Variants in CSGALNACT1 observed in about 807,000 individuals in gnomAD.
CSGALNACT1 encodes the protein beta4GalNAcT-1.
A neutral mutation model predicts 51.0 loss-of-function variants in CSGALNACT1; 52 were observed. That is an observed-to-expected ratio of 1.02 (90% CI 0.82 to 1.29). The LOEUF (loss-of-function observed/expected upper bound fraction) is 1.29, where lower values mean the gene tolerates loss of function less well. Among genes scored for constraint, CSGALNACT1 ranks in the 50% most tolerant of loss-of-function variants. The pLI is 0.00. For missense variants in CSGALNACT1, 935 were observed against 679.2 expected, an observed-to-expected ratio of 1.38 and a Z score of -4.19; for synonymous variants, 341 against 254.4, an observed-to-expected ratio of 1.34 and a Z score of -3.24.
chr8:19,724,028 G>T (rs1397905937), intron 1 of CSGALNACT1, among the ~76,000 whole-genome samples: 1 of 152,144 alleles, frequency 6.6e-6, no homozygotes, highest in Non-Finnish European at 1.5e-5. Context: ...TCTCAGATTT[G>T]TGCCTAAATC....
chr8:19,421,764 C>T (rs1253562194), intron 6 of CSGALNACT1, among the ~76,000 whole-genome samples: 4 of 152,242 alleles, frequency 2.6e-5, no homozygotes, highest in Non-Finnish European at 5.9e-5. Context: ...GCGACTCCCT[C>T]CTTGACTCAT....
intron 3 of CSGALNACT1, among the ~76,000 whole-genome samples, chr8:19,559,231 T>C (rs542886798): frequency 6.6e-6 from 1 of 152,164 alleles, no homozygotes; most frequent in African/African-American, 2.4e-5. Context: ...CATGACCAAG[T>C]TGATTATAAT....
chr8:19,543,134 GATGTAT>G (rs1344851659), intron 3 of CSGALNACT1, among the ~76,000 whole-genome samples: 3 of 152,158 alleles, frequency 2.0e-5, no homozygotes, highest in Non-Finnish European at 4.4e-5. Context: ...TTCAAAACTA[GATGTAT>G]ATTATATACA....
chr8:19,629,500 C>T (rs1467089945), intron 1 of CSGALNACT1, among the ~76,000 whole-genome samples: 1 of 152,210 alleles, frequency 6.6e-6, no homozygotes, highest in Admixed American at 6.5e-5. Context: ...TGCCTAAAGG[C>T]ACTCAGCTGC....
chr8:19,644,823 T>TAAGATCTTGTACTGCAGATACA, intron 1 of CSGALNACT1, among the ~76,000 whole-genome samples: 1 of 149,180 alleles, frequency 6.7e-6, no homozygotes, highest in East Asian at 2.0e-4. Context: ...GTACCTAACC[T>TAAGATCTTGTACTGCAGATACA]AAGATCTTGT....
At chr8:19,632,190 T>A (rs2055362731) in intron 1 of CSGALNACT1, among the ~76,000 whole-genome samples, 2 of 152,254 alleles carry the variant, frequency 1.3e-5, no homozygotes, top group African/African-American at 4.8e-5. Flanking sequence ...AAATGTGAAC[T>A]TTCCACAGTT....
intron 3 of CSGALNACT1, among the ~76,000 whole-genome samples, chr8:19,508,199 C>T (rs1208568347): frequency 1.3e-5 from 2 of 152,328 alleles, no homozygotes; most frequent in East Asian, 1.9e-4. Context: ...AGAGATGTTC[C>T]TCTCAAAGAC....
At chr8:19,666,985 A>G (rs59896904) in intron 1 of CSGALNACT1, among the ~76,000 whole-genome samples, 7 of 16,946 alleles carry the variant, frequency 4.1e-4, no homozygotes, top group East Asian at 1.0e-3. Flanking sequence ...GAAAGAAAGA[A>G]AGAAAGAAAG....
At chr8:19,649,838 A>AAAAAAAAAAAAAAAAAC (rs2057636185) in intron 1 of CSGALNACT1, among the ~76,000 whole-genome samples, 1 of 148,526 alleles carries the variant, frequency 6.7e-6, no homozygotes, top group Non-Finnish European at 1.5e-5. Context: ...AAAAAAAAAA[A>AAAAAAAAAAAAAAAAAC]AAAAAAACCA....
intron 1 of CSGALNACT1, among the ~76,000 whole-genome samples, chr8:19,646,898 T>A (rs2057328615): frequency 6.6e-6 from 1 of 152,082 alleles, no homozygotes; most frequent in Admixed American, 6.6e-5. Context: ...CTTGCCAAGT[T>A]GCTAAGGAGA....
intron 3 of CSGALNACT1, among the ~76,000 whole-genome samples, chr8:19,562,271 C>G (rs2040917509): frequency 6.6e-6 from 1 of 152,176 alleles, no homozygotes; most frequent in Non-Finnish European, 1.5e-5. Context: ...TTGCTTATTT[C>G]ATAAAAATTC....
rs561676903 is a variant in CSGALNACT1 at position 19,715,308 on chromosome 8, G to T, written c.-297+42542C>A. On this transcript the variant is annotated intron_variant, in intron 1 of 1. Transcript: ENST00000517494. The stretch of plus-strand genomic sequence containing the variant: ...GGAGCACAATTCAAAATGAGATTTG[G>T]GTGGGGACACAGAGCCAAACCATAT... 1.3e-3 allele frequency among the ~76,000 whole-genome samples: 199 copies of T among 151,946 alleles called. 1 individual carries two copies. The highest frequency in any genetic ancestry group is 4.8e-3 in the African/African-American group (197 of 41,266).
Position 19,513,436 on chromosome 8 carries a change from C to CTCTCTCTCTCTATATA in CSGALNACT1, c.-296-7307_-296-7306insTATATAGAGAGAGAGA. Reference sequence around the variant, plus strand: ...TCTCACTCTCTCTCTCTCTCTCTCTCTATATATATATATATATATATATAT... The same window carrying CTCTCTCTCTCTATATA: ...TCTCACTCTCTCTCTCTCTCTCTCTCTCTCTCTCTCTATATATATATATATATATATATATATATAT... On this transcript the variant is annotated intron_variant, in intron 3 of 9. Transcript: ENST00000454498. Among the ~76,000 whole-genome samples, 150 of 81,956 alleles carry CTCTCTCTCTCTATATA rather than the reference C, an allele frequency of 1.8e-3. 1 individual carries two copies. The highest frequency in any genetic ancestry group is 7.9e-3 in the East Asian group (10 of 1,264). The allele number at this position is 81,956 out of a possible 152,430, so 53.8% of individuals were successfully genotyped here.
chr8:19,553,902 A>ACACACAC (rs1554697909), intron 3 of CSGALNACT1, among the ~76,000 whole-genome samples: 1 of 147,460 alleles, frequency 6.8e-6, no homozygotes, highest in East Asian at 2.0e-4. Context: ...GAACTCGTAG[A>ACACACAC]ACACACACAC....
At chr8:19,441,952 A>G (rs1351182702) in intron 5 of CSGALNACT1, among the ~76,000 whole-genome samples, 5 of 152,256 alleles carry the variant, frequency 3.3e-5, no homozygotes, top group Non-Finnish European at 7.3e-5. Flanking sequence ...TATGCAGCCA[A>G]AAACACATGA....
rs1563248741 is a variant in CSGALNACT1, at chr8:19,757,493, G to T, written c.-297+357C>A. Among the ~76,000 whole-genome samples the T allele has an allele frequency of 6.6e-6, 1 of 152,104 alleles. No homozygotes were observed. The highest frequency in any genetic ancestry group is 2.4e-5 in the African/African-American group (1 of 41,440). The stretch of plus-strand genomic sequence containing the variant: ...CTCTCTGCAGTGCGTCCCTGCGCCC[G>T]TCGGAGCGGCGCCCTGGCCGAAGCC... On this transcript the variant is annotated intron_variant, in intron 1 of 1. Coordinates refer to the CSGALNACT1 transcript ENST00000517494. This position sits in a 1 kb window ranked among gnomAD's most constrained non-coding sequence, Gnocchi z 4.0.
intron 1 of CSGALNACT1, among the ~76,000 whole-genome samples, chr8:19,693,952 T>C (rs1589551707): frequency 6.6e-6 from 1 of 151,812 alleles, no homozygotes; most frequent in East Asian, 1.9e-4. Flanking sequence ...TTAAGTGAAT[T>C]TTTTTTTCTT....
At chr8:19,692,056 G>A (rs2061354171) in intron 1 of CSGALNACT1, among the ~76,000 whole-genome samples, 1 of 96,000 alleles carries the variant, frequency 1.0e-5, no homozygotes. Context: ...AAGAGAAAGA[G>A]CAAGCAAGAG....
intron 4 of CSGALNACT1, among the ~76,000 whole-genome samples, chr8:19,491,336 C>T (rs1249005776): frequency 3.9e-5 from 6 of 152,106 alleles, no homozygotes; most frequent in Non-Finnish European, 7.4e-5. Context: ...ATAAATACTT[C>T]TATGATATAA....
Sources: gnomAD v4.1 joint callset for allele counts (sites outside exome capture counted in the v4.1 genomes callset) on GRCh38, gnomAD v4.1.1 for gene constraint, Gnocchi (gnomAD v3.1) non-coding constraint, MANE v1.5 for transcripts, NCBI Gene and HGNC (gene_info 2026-07-23, HGNC 2026-07-21) for gene names.